TFB1M: variants seen among roughly 807,000 people sequenced by gnomAD.
TFB1M encodes the protein dimethyladenosine transferase 1, mitochondrial.
In TFB1M, 27 loss-of-function variants were observed where a neutral mutation model predicts 31.1. That is an observed-to-expected ratio of 0.87 (90% CI 0.64 to 1.20). TFB1M has a LOEUF of 1.20. TFB1M is among the 50% of genes most tolerant of loss of function. The probability of loss-of-function intolerance (pLI) is 0.00; values close to 1 mark genes in which losing one functional copy is unlikely to be tolerated. For missense variants in TFB1M, 394 were observed against 418.7 expected (o/e 0.94, Z 0.51); for synonymous variants, 166 against 151.8 (o/e 1.09, Z -0.69).
rs1317902755 is a variant in TFB1M at position 155,256,775 on chromosome 6, A to G, written c.*1061T>C. 6.2e-7 allele frequency: 1 copy of G among 1,614,210 alleles called. No individual in the cohort carries two copies. Among genetic ancestry groups the G allele is most frequent in the Non-Finnish European group, 8.5e-7 (1 of 1,180,046 alleles). On this transcript the variant is annotated 3_prime_UTR_variant, in exon 7 of 7. Transcript: ENST00000367166. ...GTGAAGCAGGGCAGCCCTACTAAAGACATCGAAATTCAGTTCCAGAGACTG... is the reference window on the plus strand; with the variant it reads ...GTGAAGCAGGGCAGCCCTACTAAAGGCATCGAAATTCAGTTCCAGAGACTG...
At chr6:155,230,066 G>A in the TFB1M span, among the ~76,000 whole-genome samples, 1 of 151,982 alleles carries the variant, frequency 6.6e-6, no homozygotes, top group Non-Finnish European at 1.5e-5. Flanking sequence ...ATCACCAGGT[G>A]ACACCTGTAC....
At chr6:155,310,500 T>C (rs1026349184) in intron 2 of TFB1M, among the ~76,000 whole-genome samples, 1 of 152,222 alleles carries the variant, frequency 6.6e-6, no homozygotes, top group African/African-American at 2.4e-5. Flanking sequence ...GCTTATCCTA[T>C]GTACCCCCAA....
At chr6:155,230,293 C>G in the TFB1M span, among the ~76,000 whole-genome samples, 1 of 152,224 alleles carries the variant, frequency 6.6e-6, no homozygotes, top group African/African-American at 2.4e-5. Context: ...CCAGACCCTG[C>G]CTCTCTGTCC....
Position 155,311,304 on chromosome 6 carries a change from C to A in TFB1M, c.169G>T (p.Ala57Ser). Reference protein sequence around the residue: ...IVRKAGNLTNAYVYEVGPGPG... With the variant: ...IVRKAGNLTNSYVYEVGPGPG... Reference sequence around the variant, plus strand: ...CCAGGGCCCACTTCGTAAACATAAGCATTTGTCAGATTGCCAGCTTTCCTT... The same window carrying A: ...CCAGGGCCCACTTCGTAAACATAAGAATTTGTCAGATTGCCAGCTTTCCTT... The change falls in exon 2 of 7, where the codon GCT (alanine) becomes TCT (serine). Residue 57 changes from alanine (A) to serine (S), a missense_variant. Transcript: ENST00000367166. 1 of 1,613,964 alleles carries A rather than the reference C, an allele frequency of 6.2e-7. No individual in the cohort carries two copies. Among genetic ancestry groups the A allele is most frequent in the Non-Finnish European group, 8.5e-7 (1 of 1,179,886 alleles).
At chr6:155,302,744 T>A (rs1777486251) in intron 2 of TFB1M, among the ~76,000 whole-genome samples, 1 of 152,218 alleles carries the variant, frequency 6.6e-6, no homozygotes, top group Admixed American at 6.5e-5. Flanking sequence ...ACTCTCTTTT[T>A]TAAATTTGAC....
intron 5 of TFB1M, among the ~76,000 whole-genome samples, chr6:155,272,713 T>C (rs1006508963): frequency 2.6e-5 from 4 of 152,142 alleles, no homozygotes; most frequent in African/African-American, 4.8e-5. Context: ...ACATAAGTTC[T>C]CTATGCAGAA....
At chr6:155,270,455 CT>C (rs1279422523) in intron 5 of TFB1M, among the ~76,000 whole-genome samples, 1 of 152,058 alleles carries the variant, frequency 6.6e-6, no homozygotes, top group Non-Finnish European at 1.5e-5. Context: ...TTCCTAGCTC[CT>C]TTTTTATATA....
chr6:155,238,929 A>G, the TFB1M span, among the ~76,000 whole-genome samples: 1 of 152,202 alleles, frequency 6.6e-6, no homozygotes, highest in Non-Finnish European at 1.5e-5. Context: ...TGTGGATTGT[A>G]TATTTCCATC....
intron 6 of TFB1M, among the ~76,000 whole-genome samples, chr6:155,258,641 A>G (rs1229578014): frequency 1.3e-5 from 2 of 152,218 alleles, no homozygotes; most frequent in Non-Finnish European, 2.9e-5. Flanking sequence ...AATTTCATCT[A>G]TCCAAATTGA....
At chr6:155,244,608 C>G in the TFB1M span, 1 of 1,598,930 alleles carries the variant, frequency 6.3e-7, no homozygotes, top group Non-Finnish European at 8.5e-7. Context: ...AGCGTGGTGT[C>G]CTGAACTTCA....
chr6:155,276,384 C>T (rs1259692302), intron 5 of TFB1M: 30 of 1,600,562 alleles, frequency 1.9e-5, no homozygotes, highest in Non-Finnish European at 2.6e-5. Context: ...GTGTAAATAA[C>T]TGAGTAATGC....
At chr6:155,285,423 A>C in intron 4 of TFB1M, 146 bp from the exon 5 acceptor site, 1 of 851,818 alleles carries the variant, frequency 1.2e-6, no homozygotes. Context: ...CATGACACAC[A>C]GCAAACATGG....
At position 155,256,288 on chromosome 6, in the gene TFB1M, A is replaced by G; in HGVS notation, c.*1548T>C. 1 of 744,900 alleles carries G rather than the reference A, an allele frequency of 1.3e-6. No homozygotes were observed. The allele number at this position is 744,900 out of a possible 1,614,324, so 46.1% of individuals were successfully genotyped here. A position where few individuals can be genotyped will look rare whatever the true frequency, so the allele number is the denominator to read the frequency against. On this transcript the variant is annotated 3_prime_UTR_variant, in exon 7 of 7. Transcript: ENST00000367166. ...CTAAAAATGCTGAATTGCCTAACTT[A>G]CAACTGTAAACCTAAGTCAAAAATG...
intron 4 of TFB1M, among the ~76,000 whole-genome samples, chr6:155,292,961 C>T (rs1296646355): frequency 1.3e-5 from 2 of 151,938 alleles, no homozygotes; most frequent in Non-Finnish European, 2.9e-5. Flanking sequence ...CCTGAGTAGT[C>T]GAGACCACAG....
intron 1 of TFB1M, among the ~76,000 whole-genome samples, chr6:155,312,715 A>G (rs1352456976): frequency 6.6e-6 from 1 of 152,126 alleles, no homozygotes; most frequent in Non-Finnish European, 1.5e-5. Context: ...TGGTTCCCAT[A>G]GAAAGAGTGG....
At chr6:155,285,535 T>G (rs1482625070) in intron 4 of TFB1M, among the ~76,000 whole-genome samples, 1 of 152,220 alleles carries the variant, frequency 6.6e-6, no homozygotes, top group Non-Finnish European at 1.5e-5. Flanking sequence ...TACCAATGGC[T>G]GTTGGGATTT....
rs900571916 is a variant in TFB1M at position 155,269,768 on chromosome 6, A to G, written c.667-9368T>C. On this transcript the variant is annotated intron_variant, in intron 5 of 6. Transcript: ENST00000367166. ...AGCAAGATGACAAACTAGAGTTCCA[A>G]AATTACTTAAAATTCTAGTCCTGCT... Among the ~76,000 whole-genome samples the G allele has an allele frequency of 6.6e-5, 10 of 152,264 alleles. No individual in the cohort carries two copies. In the East Asian group the frequency reaches 1.5e-3, roughly 23 times the overall value.
At chr6:155,250,291 CTTTTTTTTT>C in the TFB1M span, among the ~76,000 whole-genome samples, 2 of 133,700 alleles carry the variant, frequency 1.5e-5, no homozygotes, top group East Asian at 4.4e-4. Context: ...TTGATTTTGC[CTTTTTTTTT>C]TTTTTTTTTT....
At chr6:155,300,835 C>T (rs373010343) in intron 2 of TFB1M, among the ~76,000 whole-genome samples, 1 of 151,982 alleles carries the variant, frequency 6.6e-6, no homozygotes, top group African/African-American at 2.4e-5. Flanking sequence ...GATGGAGTCT[C>T]GCTCTGTTGC....
Sources: allele counts gnomAD v4.1 joint callset (sites outside exome capture counted in the v4.1 genomes callset), GRCh38; gene constraint gnomAD v4.1.1; transcripts MANE v1.5; gene names NCBI Gene and HGNC (gene_info 2026-07-23, HGNC 2026-07-21).